The following TMEM132D variants were observed in gnomAD, a reference collection of about 807,000 sequenced individuals.
TMEM132D encodes transmembrane protein 132D.
A neutral mutation model predicts 62.3 loss-of-function variants in TMEM132D; 21 were observed. That is an observed-to-expected ratio of 0.34 (90% CI 0.24 to 0.49). The LOEUF is 0.49. TMEM132D is among the 20% of genes least tolerant of loss of function. The pLI is 0.99. For missense variants in TMEM132D, 1,346 were observed against 1,402.8 expected (o/e 0.96, Z 0.65); for synonymous variants, 621 against 575.6 (o/e 1.08, Z -1.13).
chr12:129,073,563 CGAGA>C lies in TMEM132D; in HGVS notation c.*308_*311del. 3.6e-6 allele frequency: 1 copy of C among 275,482 alleles called. No individual in the cohort carries two copies. Among genetic ancestry groups the C allele is most frequent in the Non-Finnish European group, 6.8e-6 (1 of 147,766 alleles). 17.1% of individuals were successfully genotyped at this position (275,482 alleles called of 1,614,324 possible). A position where few individuals can be genotyped will look rare whatever the true frequency, so the allele number is the denominator to read the frequency against. ...TTACAATATCCAAATTGCTTTGATTCGAGAGAGAGAGGCTGTTCTTTCCTGGACG... is the reference window on the plus strand; with the variant it reads ...TTACAATATCCAAATTGCTTTGATTCGAGAGAGGCTGTTCTTTCCTGGACG... On this transcript the variant is annotated 3_prime_UTR_variant, in exon 9 of 9. Coordinates refer to ENST00000422113, the MANE Select transcript of TMEM132D (RefSeq NM_133448.3).
At chr12:129,321,719 C>T (rs1339201716) in intron 4 of TMEM132D, among the ~76,000 whole-genome samples, 1 of 151,778 alleles carries the variant, frequency 6.6e-6, no homozygotes, top group East Asian at 1.9e-4. Flanking sequence ...CCACCACGCC[C>T]AGCTAATTTT....
intron 2 of TMEM132D, among the ~76,000 whole-genome samples, chr12:129,627,973 T>G (rs909106249): frequency 1.3e-5 from 2 of 152,174 alleles, no homozygotes; most frequent in African/African-American, 4.8e-5. Context: ...CGTGACAAAG[T>G]GAGATCTTGT....
chr12:129,193,817 C>T (rs917068211), intron 5 of TMEM132D, among the ~76,000 whole-genome samples: 4 of 152,324 alleles, frequency 2.6e-5, no homozygotes, highest in East Asian at 1.9e-4. Flanking sequence ...ATTCCTCCAA[C>T]GCTATCAGAT....
At chr12:129,305,206 T>A (rs1385728616) in intron 4 of TMEM132D, among the ~76,000 whole-genome samples, 1 of 152,148 alleles carries the variant, frequency 6.6e-6, no homozygotes, top group Non-Finnish European at 1.5e-5. Context: ...ATTGGTTGAA[T>A]TGAAAAATAA....
At chr12:129,733,845 G>T (rs915162002) in intron 1 of TMEM132D, among the ~76,000 whole-genome samples, 1 of 152,216 alleles carries the variant, frequency 6.6e-6, no homozygotes, top group African/African-American at 2.4e-5. Context: ...AGAGCCAACA[G>T]GATCTGCTGA....
intron 2 of TMEM132D, among the ~76,000 whole-genome samples, chr12:129,634,145 C>T (rs1722052857): frequency 6.6e-6 from 1 of 152,074 alleles, no homozygotes; most frequent in South Asian, 2.1e-4. Context: ...CCCCTGCACT[C>T]AGTTCAGTCC....
intron 1 of TMEM132D, among the ~76,000 whole-genome samples, chr12:129,768,183 T>C (rs1194717616): frequency 1.3e-5 from 2 of 152,128 alleles, no homozygotes; most frequent in African/African-American, 2.4e-5. Context: ...AAAATAAAGG[T>C]GCACAAATTT....
intron 3 of TMEM132D, among the ~76,000 whole-genome samples, chr12:129,400,501 C>A (rs893416037): frequency 6.6e-6 from 1 of 152,132 alleles, no homozygotes; most frequent in East Asian, 1.9e-4. Flanking sequence ...CTGGTCCAAC[C>A]AGAAACAGAA....
chr12:129,110,159 G>A (rs1050228122), intron 5 of TMEM132D: 5 of 152,552 alleles, frequency 3.3e-5, no homozygotes, highest in African/African-American at 7.2e-5. Flanking sequence ...CTGAAGCTCA[G>A]CCTGCCTACT....
intron 4 of TMEM132D, among the ~76,000 whole-genome samples, chr12:129,295,849 G>A (rs1304605335): frequency 2.6e-5 from 4 of 152,000 alleles, no homozygotes; most frequent in African/African-American, 9.7e-5. Flanking sequence ...ATCAATACTT[G>A]TTATACTGTA....
At position 129,078,773 on chromosome 12, in the gene TMEM132D, G is replaced by C. The variant is rs201433930; in HGVS notation, c.1924-48C>G. ...CAAGGAAAGGCTTTCTGTGGTCCAG[G>C]CAATGCCTCCAGTCACAGGAGGAAG... On this transcript the variant is annotated intron_variant, in intron 7 of 8. Transcript: ENST00000422113. The C allele has an allele frequency of 1.9e-6, 3 of 1,587,202 alleles. No homozygotes were observed. The African/African-American group carries it at 4.0e-5, about 21-fold the overall frequency.
At chr12:129,784,384 C>T (rs765363171) in intron 1 of TMEM132D, among the ~76,000 whole-genome samples, 24 of 152,164 alleles carry the variant, frequency 1.6e-4, no homozygotes, top group Non-Finnish European at 2.6e-4. Flanking sequence ...TGGAGGTCAC[C>T]GACTTATTTT....
chr12:129,457,761 C>T (rs750879399), intron 3 of TMEM132D, among the ~76,000 whole-genome samples: 1 of 151,954 alleles, frequency 6.6e-6, no homozygotes, highest in Non-Finnish European at 1.5e-5. Context: ...GAGGGAGGTG[C>T]CACACACTTG....
intron 1 of TMEM132D, among the ~76,000 whole-genome samples, chr12:129,740,551 TGTAA>T (rs1418554066): frequency 1.3e-5 from 2 of 152,176 alleles, no homozygotes; most frequent in Non-Finnish European, 2.9e-5. Context: ...ATCATTCAGG[TGTAA>T]GTATCTTTAA....
At chr12:129,538,556 T>G (rs1433470994) in intron 2 of TMEM132D, among the ~76,000 whole-genome samples, 1 of 151,998 alleles carries the variant, frequency 6.6e-6, no homozygotes, top group Admixed American at 6.6e-5. Context: ...ACATACTATG[T>G]TTTTTTTCTA....
chr12:129,140,620 C>T (rs1876712804), intron 5 of TMEM132D, among the ~76,000 whole-genome samples: 1 of 152,054 alleles, frequency 6.6e-6, no homozygotes, highest in Non-Finnish European at 1.5e-5. Context: ...GGGCGGATCA[C>T]GTAAGATCAG....
intron 2 of TMEM132D, among the ~76,000 whole-genome samples, chr12:129,680,726 T>C (rs987854631): frequency 3.9e-5 from 6 of 152,192 alleles, no homozygotes; most frequent in Non-Finnish European, 2.9e-5. Context: ...CTGGAATTGC[T>C]GAAACAGCAA....
At chr12:129,453,872 T>C (rs1327845646) in intron 3 of TMEM132D, among the ~76,000 whole-genome samples, 1 of 152,228 alleles carries the variant, frequency 6.6e-6, no homozygotes, top group Non-Finnish European at 1.5e-5. Flanking sequence ...CTGTGTGTGA[T>C]GTTCTGTTTG....
In TMEM132D at chr12:129,292,955, G is replaced by A. The variant is rs776391614; in HGVS notation, c.1299+44679C>T. ...CTCAAACTAAAAGGGAGGGAGGGTAGTCAGTGGAGAAGTAGAGATATTGGT... is the reference window on the plus strand; with the variant it reads ...CTCAAACTAAAAGGGAGGGAGGGTAATCAGTGGAGAAGTAGAGATATTGGT... On this transcript the variant is annotated intron_variant, in intron 4 of 8. Transcript: ENST00000422113. 8.1e-4 allele frequency among the ~76,000 whole-genome samples: 124 copies of A among 152,320 alleles called. 1 individual carries two copies. Among genetic ancestry groups the A allele is most frequent in the Admixed American group, 2.6e-4 (4 of 15,306 alleles).
Sources: allele counts gnomAD v4.1 joint callset (sites outside exome capture counted in the v4.1 genomes callset), GRCh38; gene constraint gnomAD v4.1.1; transcripts MANE v1.5; gene names NCBI Gene and HGNC (gene_info 2026-07-23, HGNC 2026-07-21).